Variants in CSNK2A1 observed in about 807,000 individuals in gnomAD.
The protein encoded by CSNK2A1 is casein kinase II subunit alpha.
Under a neutral mutation model 62.9 loss-of-function variants are expected in CSNK2A1, and 10 were observed. The observed-to-expected ratio is 0.16, with a 90% CI of 0.10 to 0.27. The LOEUF is 0.27. CSNK2A1 is among the 10% of genes least tolerant of loss of function. CSNK2A1 has a pLI of 1.00. For synonymous variants in CSNK2A1, 124 were observed against 167.8 expected (o/e 0.74, Z 2.02); for missense variants, 160 against 492.0 (o/e 0.33, Z 6.38).
intron 8 of CSNK2A1, 84 bp from the exon 9 acceptor site, chr20:492,448 C>A: frequency 7.6e-7 from 1 of 1,316,104 alleles, no homozygotes; most frequent in Non-Finnish European, 1.1e-6. Flanking sequence ...ATAAAATATA[C>A]CAGACACGTC....
At chr20:522,621 A>G (rs2018974300) in intron 2 of CSNK2A1, among the ~76,000 whole-genome samples, 1 of 152,252 alleles carries the variant, frequency 6.6e-6, no homozygotes, top group Non-Finnish European at 1.5e-5. Context: ...GAAAAAGGAT[A>G]CAACTGGTAA....
At chr20:531,377 C>G (rs2019209255) in intron 1 of CSNK2A1, among the ~76,000 whole-genome samples, 1 of 152,102 alleles carries the variant, frequency 6.6e-6, no homozygotes, top group Non-Finnish European at 1.5e-5. Context: ...CTTCATTTAC[C>G]TTATTGACTC....
intron 1 of CSNK2A1, among the ~76,000 whole-genome samples, chr20:528,974 C>T (rs113077920): frequency 0.034 from 5,240 of 152,290 alleles, 127 homozygotes; most frequent in South Asian, 0.051. Flanking sequence ...TTCAGTTACC[C>T]GCAGTCAACT....
In CSNK2A1 at chr20:486,392, G is replaced by A. The variant is rs747864802; in HGVS notation, c.1044C>T (p.Ser348=). The A allele has an allele frequency of 2.1e-5, 34 of 1,613,106 alleles. No homozygotes were observed. Among genetic ancestry groups the A allele is most frequent in the South Asian group, 4.4e-5 (4 of 91,034 alleles). The stretch of plus-strand genomic sequence containing the variant: ...TGAACTGACCTGACATCATATTGGC[G>A]CTGCTGACGGGCGTACTGCCCCCTG... ...SMPGGSTPVS[S]ANMMSGISSV... The change falls in exon 13 of 14, where the codon AGC becomes AGT. Residue 348 remains serine, a synonymous_variant. Coordinates refer to ENST00000217244, the MANE Select transcript of CSNK2A1 (RefSeq NM_177559.3).
intron 2 of CSNK2A1, among the ~76,000 whole-genome samples, chr20:524,708 C>CAAAAAAA (rs56228720): frequency 1.2e-5 from 1 of 83,166 alleles, no homozygotes; most frequent in African/African-American, 4.4e-5. Flanking sequence ...GACTCCATCT[C>CAAAAAAA]AAAAAAAAAA....
rs1056301098 is a variant in CSNK2A1, at chr20:475,902, C to G, written c.*8059G>C. 3.3e-5 allele frequency: 5 copies of G among 152,262 alleles called. No individual in the cohort carries two copies. Among genetic ancestry groups the G allele is most frequent in the African/African-American group, 1.2e-4 (5 of 41,460 alleles). 9.4% of individuals were successfully genotyped at this position (152,262 alleles called of 1,614,324 possible). A position where few individuals can be genotyped will look rare whatever the true frequency, so the allele number is the denominator to read the frequency against. ...ACATGGAGGTGTCCAGCCCAGCCGA[C>G]CCACAACCTGAAAAACAGCTGCTTG... is the stretch of plus-strand genomic sequence containing the variant. On this transcript the variant is annotated 3_prime_UTR_variant, in exon 14 of 14. Transcript: ENST00000217244.
At position 472,698 on chromosome 20, in the gene CSNK2A1, T is replaced by A. The variant is rs2017776548; in HGVS notation, c.*11263A>T. On this transcript the variant is annotated 3_prime_UTR_variant, in exon 14 of 14. Coordinates refer to ENST00000217244, the MANE Select transcript of CSNK2A1 (RefSeq NM_177559.3). ...GTGTGTGAATGATCAAAGGTTGGTT[T>A]CTGGACACAGGAATAAACAAATTTA... The A allele has an allele frequency of 6.6e-6, 1 of 152,256 alleles. No homozygotes were observed. Among genetic ancestry groups the A allele is most frequent in the Admixed American group, 6.5e-5 (1 of 15,288 alleles). The allele number at this position is 152,256 out of a possible 1,614,324, so 9.4% of individuals were successfully genotyped here.
chr20:543,631 C>G, intron 1 of CSNK2A1, 41 bp downstream of exon 1: 2 of 397,588 alleles, frequency 5.0e-6, no homozygotes, highest in Non-Finnish European at 8.9e-6. Flanking sequence ...CCTGGGCCCA[C>G]CCCACCCGCC....
chr20:519,856 T>C (rs529365186), intron 2 of CSNK2A1, among the ~76,000 whole-genome samples: 10 of 152,194 alleles, frequency 6.6e-5, no homozygotes, highest in African/African-American at 2.4e-4. Flanking sequence ...TAACAATACC[T>C]TGAGGAGCTT....
chr20:541,314 C>G (rs916485040), intron 1 of CSNK2A1, among the ~76,000 whole-genome samples: 1 of 152,074 alleles, frequency 6.6e-6, no homozygotes, highest in African/African-American at 2.4e-5. Context: ...CACAGGATAG[C>G]TACAGATTCT....
chr20:505,905 T>C (rs11697012), intron 3 of CSNK2A1: 9,488 of 140,946 alleles, frequency 0.067, 477 homozygotes, highest in Non-Finnish European at 0.11. Flanking sequence ...GACGGAGTCT[T>C]GCTCTGTCGC....
At chr20:535,739 CAAAAAAA>C (rs11477824) in intron 1 of CSNK2A1, among the ~76,000 whole-genome samples, 2 of 70,074 alleles carry the variant, frequency 2.9e-5, no homozygotes, top group Non-Finnish European at 6.1e-5. Flanking sequence ...GACTCCATCT[CAAAAAAA>C]AAAAAAAAAA....
At position 482,094 on chromosome 20, in the gene CSNK2A1, T is replaced by C. The variant is rs1159259249; in HGVS notation, c.*1867A>G. 6.6e-6 allele frequency: 1 copy of C among 152,302 alleles called. No individual in the cohort carries two copies. Among genetic ancestry groups the C allele is most frequent in the Non-Finnish European group, 1.5e-5 (1 of 68,028 alleles). 9.4% of individuals were successfully genotyped at this position (152,302 alleles called of 1,614,324 possible). A position where few individuals can be genotyped will look rare whatever the true frequency, so the allele number is the denominator to read the frequency against. On this transcript the variant is annotated 3_prime_UTR_variant, in exon 14 of 14. Coordinates refer to ENST00000217244, the MANE Select transcript of CSNK2A1 (RefSeq NM_177559.3). ...AAAGCCACCACCTTGATAAAGTTAC[T>C]AAAGCCAAGATGGGTTACAAAGTTA...
intron 13 of CSNK2A1, among the ~76,000 whole-genome samples, chr20:485,639 G>A (rs2018081682): frequency 6.6e-6 from 1 of 152,148 alleles, no homozygotes; most frequent in African/African-American, 2.4e-5. Context: ...TCAATGTTTT[G>A]TTATTACAAA....
At chr20:513,565 G>A (rs577192736) in intron 2 of CSNK2A1, among the ~76,000 whole-genome samples, 1 of 152,272 alleles carries the variant, frequency 6.6e-6, no homozygotes, top group Non-Finnish European at 1.5e-5. Flanking sequence ...AAGTATACAT[G>A]ACATTACAAA....
At chr20:521,773 G>A (rs2018954596) in intron 2 of CSNK2A1, among the ~76,000 whole-genome samples, 1 of 152,130 alleles carries the variant, frequency 6.6e-6, no homozygotes, top group African/African-American at 2.4e-5. Context: ...TTTTTTGGTA[G>A]AGACAGGGTC....
intron 2 of CSNK2A1, among the ~76,000 whole-genome samples, chr20:524,671 AG>A (rs2019035452): frequency 7.2e-6 from 1 of 138,944 alleles, no homozygotes; most frequent in East Asian, 2.2e-4. Context: ...TGGAGGTTGC[AG>A]TGGGCACTCC....
intron 6 of CSNK2A1, chr20:498,366 G>T (rs999544693): frequency 7.2e-6 from 1 of 137,962 alleles, no homozygotes; most frequent in African/African-American, 2.8e-5. Context: ...TTGAGACAGG[G>T]TCCTCACTCT....
chr20:505,364 T>TG, intron 3 of CSNK2A1, 135 bp from the exon 4 acceptor site: 1 of 713,860 alleles, frequency 1.4e-6, no homozygotes, highest in South Asian at 2.1e-5. Flanking sequence ...TTTTTTTTTT[T>TG]TTTTTTTTTT....
Sources: allele counts gnomAD v4.1 joint callset (sites outside exome capture counted in the v4.1 genomes callset), GRCh38; gene constraint gnomAD v4.1.1; transcripts MANE v1.5; gene names NCBI Gene and HGNC (gene_info 2026-07-23, HGNC 2026-07-21).